Variants in ADAMTSL1 observed in about 807,000 individuals in gnomAD.
The protein encoded by ADAMTSL1 is ADAMTS like 1.
ADAMTSL1 carries 126 observed loss-of-function variants against 201.8 expected under a neutral mutation model. That is an observed-to-expected ratio of 0.62 (90% CI 0.54 to 0.72). ADAMTSL1 has a LOEUF of 0.72. ADAMTSL1 is among the 30% of genes least tolerant of loss of function. The probability of loss-of-function intolerance (pLI) is 0.00; values close to 1 mark genes in which losing one functional copy is unlikely to be tolerated. For missense variants in ADAMTSL1, 2,679 were observed against 2,277.8 expected, an observed-to-expected ratio of 1.18 and a Z score of -3.59; for synonymous variants, 1,121 against 903.4, an observed-to-expected ratio of 1.24 and a Z score of -4.32.
At chr9:17,915,681 G>A (rs1563892357) in intron 1 of ADAMTSL1, among the ~76,000 whole-genome samples, 1 of 152,216 alleles carries the variant, frequency 6.6e-6, no homozygotes, top group South Asian at 2.1e-4. Context: ...CAGAATGAGA[G>A]TTCCAGTTCC....
chr9:18,139,076 A>T (rs1826283636), intron 1 of ADAMTSL1, among the ~76,000 whole-genome samples: 1 of 152,132 alleles, frequency 6.6e-6, no homozygotes, highest in Non-Finnish European at 1.5e-5. Context: ...GTAGAATGAG[A>T]TGCTCTCTTA....
At chr9:18,311,330 C>T (rs1234270906) in intron 2 of ADAMTSL1, among the ~76,000 whole-genome samples, 1 of 151,252 alleles carries the variant, frequency 6.6e-6, no homozygotes, top group East Asian at 1.9e-4. Flanking sequence ...GCACAAGTAT[C>T]CCAGAACTTA....
At chr9:18,672,648 C>T (rs1829892966) in intron 9 of ADAMTSL1, among the ~76,000 whole-genome samples, 1 of 152,070 alleles carries the variant, frequency 6.6e-6, no homozygotes, top group African/African-American at 2.4e-5. Context: ...ATTTCATATT[C>T]AATTATTTTT....
At chr9:18,288,892 T>A (rs1353831243) in intron 2 of ADAMTSL1, among the ~76,000 whole-genome samples, 1 of 152,194 alleles carries the variant, frequency 6.6e-6, no homozygotes, top group Admixed American at 6.5e-5. Flanking sequence ...TAGAAGACAG[T>A]GTTTAAGGAA....
intron 2 of ADAMTSL1, among the ~76,000 whole-genome samples, chr9:18,433,462 G>A (rs879342383): frequency 2.0e-5 from 3 of 152,062 alleles, no homozygotes; most frequent in Admixed American, 2.0e-4. Context: ...TAGATTTAAT[G>A]TAATATTGCC....
chr9:18,419,119 A>G (rs1227335032), intron 2 of ADAMTSL1, among the ~76,000 whole-genome samples: 2 of 151,744 alleles, frequency 1.3e-5, no homozygotes, highest in Non-Finnish European at 2.9e-5. Flanking sequence ...CATGTTTTTA[A>G]AATAGAAATC....
At chr9:18,044,415 T>C (rs1821571696) in intron 1 of ADAMTSL1, among the ~76,000 whole-genome samples, 1 of 152,046 alleles carries the variant, frequency 6.6e-6, no homozygotes, top group Admixed American at 6.5e-5. Flanking sequence ...GGTGGGATGG[T>C]TTGACTGTTT....
intron 26 of ADAMTSL1, among the ~76,000 whole-genome samples, chr9:18,901,057 C>T (rs1829989264): frequency 6.6e-6 from 1 of 151,990 alleles, no homozygotes. Flanking sequence ...TGATTGTAAG[C>T]TTCCTGAGGC....
At chr9:18,052,833 T>A (rs1821998565) in intron 1 of ADAMTSL1, among the ~76,000 whole-genome samples, 1 of 152,086 alleles carries the variant, frequency 6.6e-6, no homozygotes, top group African/African-American at 2.4e-5. Context: ...AGCAGGAAAT[T>A]CTCTGTACAT....
chr9:18,039,906 TC>T (rs1310274021), intron 1 of ADAMTSL1, among the ~76,000 whole-genome samples: 6 of 152,338 alleles, frequency 3.9e-5, no homozygotes, highest in Non-Finnish European at 1.5e-5. Flanking sequence ...TTGTCTGTCT[TC>T]TTGGCAGATA....
chr9:18,235,593 G>A (rs1276903276), intron 2 of ADAMTSL1, among the ~76,000 whole-genome samples: 1 of 152,182 alleles, frequency 6.6e-6, no homozygotes, highest in Non-Finnish European at 1.5e-5. Context: ...ATTGGGCTAA[G>A]TAATCACCTT....
intron 2 of ADAMTSL1, among the ~76,000 whole-genome samples, chr9:18,399,314 T>C (rs1424475918): frequency 2.4e-5 from 3 of 124,096 alleles, no homozygotes; most frequent in Non-Finnish European, 5.1e-5. Flanking sequence ...TATATATATA[T>C]ATATATATAT....
intron 5 of ADAMTSL1, among the ~76,000 whole-genome samples, chr9:18,629,867 G>T (rs1044211760): frequency 1.3e-5 from 2 of 152,018 alleles, no homozygotes; most frequent in Non-Finnish European, 2.9e-5. Context: ...TTCTGGATCT[G>T]GAGATTTATT....
chr9:18,230,699 AG>A (rs1830615847), intron 2 of ADAMTSL1, among the ~76,000 whole-genome samples: 2 of 152,228 alleles, frequency 1.3e-5, no homozygotes, highest in African/African-American at 4.8e-5. Flanking sequence ...TAATACAGAA[AG>A]TCTCAAACAT....
At chr9:18,126,489 A>G (rs1022678819) in intron 1 of ADAMTSL1, among the ~76,000 whole-genome samples, 1 of 152,184 alleles carries the variant, frequency 6.6e-6, no homozygotes, top group Non-Finnish European at 1.5e-5. Context: ...TACTGCAGCC[A>G]TCTGTTTACT....
intron 1 of ADAMTSL1, among the ~76,000 whole-genome samples, chr9:18,159,901 A>G (rs1365298188): frequency 1.3e-5 from 2 of 152,120 alleles, no homozygotes; most frequent in Non-Finnish European, 2.9e-5. Context: ...CTTGTTATTC[A>G]GTGACTTTTG....
intron 2 of ADAMTSL1, among the ~76,000 whole-genome samples, chr9:18,276,407 C>A (rs937487648): frequency 6.6e-6 from 1 of 152,216 alleles, no homozygotes; most frequent in African/African-American, 2.4e-5. Flanking sequence ...CCTATGAAAA[C>A]TTTGCCTAAC....
intron 2 of ADAMTSL1, among the ~76,000 whole-genome samples, chr9:18,390,884 T>C: frequency 6.6e-6 from 1 of 152,180 alleles, no homozygotes; most frequent in South Asian, 2.1e-4. Context: ...AGTAAGTCTG[T>C]CCAAAAAAGC....
At position 18,909,601 on chromosome 9, in the gene ADAMTSL1, C is replaced by A. The variant is rs1266805780; in HGVS notation, c.*1053C>A. The A allele has an allele frequency of 6.6e-6, 1 of 152,344 alleles. No homozygotes were observed. The highest frequency in any genetic ancestry group is 1.5e-5 in the Non-Finnish European group (1 of 68,054). The allele number at this position is 152,344 out of a possible 1,614,324, so 9.4% of individuals were successfully genotyped here. A position where few individuals can be genotyped will look rare whatever the true frequency, so the allele number is the denominator to read the frequency against. On this transcript the variant is annotated 3_prime_UTR_variant, in exon 29 of 29. Transcript: ENST00000380548. ...GACCTTTGCTGCTCCACCGAAGGGC[C>A]AGGGACTATGGTTAACTTATCAACA...
Sources: gnomAD v4.1 joint callset for allele counts (sites outside exome capture counted in the v4.1 genomes callset) on GRCh38, gnomAD v4.1.1 for gene constraint, MANE v1.5 for transcripts, NCBI Gene and HGNC (gene_info 2026-07-23, HGNC 2026-07-21) for gene names.